The following GALNTL6 variants were observed in gnomAD, a reference collection of about 807,000 sequenced individuals.
GALNTL6 encodes polypeptide N-acetylgalactosaminyltransferase-like 6.
In GALNTL6, 46 loss-of-function variants were observed where a neutral mutation model predicts 73.7. The ratio of observed to expected loss-of-function variants is 0.62; its 90% CI spans 0.49 to 0.80. GALNTL6 has a LOEUF of 0.80. Ranked by LOEUF, GALNTL6 falls within the 30% of genes least tolerant of loss-of-function variation. The pLI is 0.00. For synonymous variants in GALNTL6, 259 were observed against 263.7 expected, an observed-to-expected ratio of 0.98 and a Z score of 0.17; for missense variants, 604 against 755.0, an observed-to-expected ratio of 0.80 and a Z score of 2.34.
chr4:171,970,643 T>C (rs1304164314), intron 2 of GALNTL6, among the ~76,000 whole-genome samples: 1 of 152,180 alleles, frequency 6.6e-6, no homozygotes, highest in African/African-American at 2.4e-5. Context: ...TTGAGTGAGT[T>C]AATCAAGCTT....
chr4:172,958,013 T>C (rs1469506648), intron 10 of GALNTL6, among the ~76,000 whole-genome samples: 1 of 152,080 alleles, frequency 6.6e-6, no homozygotes, highest in Non-Finnish European at 1.5e-5. Flanking sequence ...TCAGGTGTGG[T>C]ATCAGGAATA....
At chr4:172,374,585 A>G (rs1323603655) in intron 5 of GALNTL6, among the ~76,000 whole-genome samples, 1 of 152,082 alleles carries the variant, frequency 6.6e-6, no homozygotes, top group Non-Finnish European at 1.5e-5. Context: ...CTTTTTCCTA[A>G]TTCTCCTTAG....
chr4:172,708,310 A>G (rs1734488865), intron 5 of GALNTL6, among the ~76,000 whole-genome samples: 1 of 152,202 alleles, frequency 6.6e-6, no homozygotes, highest in Non-Finnish European at 1.5e-5. Flanking sequence ...CGCCCAACTT[A>G]GCCTATCGAA....
chr4:172,471,117 C>T (rs1733028251), intron 5 of GALNTL6, among the ~76,000 whole-genome samples: 1 of 152,166 alleles, frequency 6.6e-6, no homozygotes, highest in African/African-American at 2.4e-5. Flanking sequence ...CTGATTCCTA[C>T]CCTGAAACAC....
At chr4:172,953,918 G>T (rs976483627) in intron 10 of GALNTL6, among the ~76,000 whole-genome samples, 1 of 152,210 alleles carries the variant, frequency 6.6e-6, no homozygotes, top group Non-Finnish European at 1.5e-5. Flanking sequence ...AATTTGAAAA[G>T]AATTTTCTTA....
intron 3 of GALNTL6, among the ~76,000 whole-genome samples, chr4:172,239,465 A>G (rs1045784388): frequency 2.0e-5 from 3 of 151,964 alleles, no homozygotes; most frequent in Non-Finnish European, 4.4e-5. Flanking sequence ...CTGAATGTTT[A>G]TTTGGATATT....
At chr4:172,840,990 G>A (rs1560986594) in intron 7 of GALNTL6, among the ~76,000 whole-genome samples, 2 of 152,136 alleles carry the variant, frequency 1.3e-5, no homozygotes, top group Non-Finnish European at 2.9e-5. Flanking sequence ...AGGTGTGCAT[G>A]AATCTCAATT....
At chr4:171,906,700 A>T (rs1003135428) in intron 2 of GALNTL6, among the ~76,000 whole-genome samples, 3 of 152,228 alleles carry the variant, frequency 2.0e-5, no homozygotes, top group African/African-American at 7.2e-5. Flanking sequence ...AAAAAAGAGA[A>T]TTTTAGACCA....
intron 5 of GALNTL6, among the ~76,000 whole-genome samples, chr4:172,575,378 G>A (rs1186837389): frequency 6.6e-6 from 1 of 152,118 alleles, no homozygotes; most frequent in East Asian, 1.9e-4. Context: ...AACATGATAA[G>A]TGCACACATT....
chr4:172,729,065 T>A (rs1403777995), intron 5 of GALNTL6, among the ~76,000 whole-genome samples: 1 of 152,182 alleles, frequency 6.6e-6, no homozygotes, highest in Non-Finnish European at 1.5e-5. Flanking sequence ...TTAATTTGAT[T>A]ATTTGGGTTT....
intron 5 of GALNTL6, among the ~76,000 whole-genome samples, chr4:172,556,738 C>T (rs1736154726): frequency 1.3e-5 from 2 of 149,110 alleles, no homozygotes; most frequent in Admixed American, 1.3e-4. Flanking sequence ...CCTGCTAGAC[C>T]CACACCAAAA....
chr4:172,186,380 G>A (rs1386426330), intron 2 of GALNTL6, among the ~76,000 whole-genome samples: 2 of 152,060 alleles, frequency 1.3e-5, no homozygotes, highest in African/African-American at 4.8e-5. Flanking sequence ...CTCCAAGATG[G>A]TAAACACAGA....
chr4:172,014,006 A>G (rs1006787630), intron 2 of GALNTL6, among the ~76,000 whole-genome samples: 3 of 152,090 alleles, frequency 2.0e-5, no homozygotes, highest in Non-Finnish European at 2.9e-5. Flanking sequence ...TTCACTTAAC[A>G]TAATGATCTC....
At chr4:172,640,409 C>T (rs1739918220) in intron 5 of GALNTL6, among the ~76,000 whole-genome samples, 1 of 152,140 alleles carries the variant, frequency 6.6e-6, no homozygotes, top group East Asian at 1.9e-4. Context: ...AATCTCATGT[C>T]TTTAAATGCC....
chr4:173,032,395 G>A (rs1287128048), intron 12 of GALNTL6, among the ~76,000 whole-genome samples: 1 of 151,442 alleles, frequency 6.6e-6, no homozygotes, highest in Non-Finnish European at 1.5e-5. Flanking sequence ...AGCTTGCAGT[G>A]AGCCGAGATC....
At chr4:172,496,640 G>A (rs1734081825) in intron 5 of GALNTL6, among the ~76,000 whole-genome samples, 1 of 152,080 alleles carries the variant, frequency 6.6e-6, no homozygotes, top group African/African-American at 2.4e-5. Context: ...TTATGATCAG[G>A]CCACTCCACT....
At chr4:172,439,313 T>C (rs999492478) in intron 5 of GALNTL6, among the ~76,000 whole-genome samples, 8 of 151,830 alleles carry the variant, frequency 5.3e-5, no homozygotes, top group Admixed American at 3.3e-4. Flanking sequence ...ACCCCCCACA[T>C]TATTAAACAT....
chr4:172,082,821 G>T (rs1731917939), intron 2 of GALNTL6, among the ~76,000 whole-genome samples: 1 of 152,174 alleles, frequency 6.6e-6, no homozygotes, highest in African/African-American at 2.4e-5. Flanking sequence ...AATGAGAAAG[G>T]AGACATCTAT....
At position 171,880,403 on chromosome 4, in the gene GALNTL6, A is replaced by G. The variant is rs79394295; in HGVS notation, c.138+65685A>G. 2.8e-3 allele frequency among the ~76,000 whole-genome samples: 434 copies of G among 152,330 alleles called. 1 individual carries two copies. Among genetic ancestry groups the G allele is most frequent in the Admixed American group, 5.3e-3 (81 of 15,298 alleles). ...ACAGGGTTATCTTCCCACCATATGA[A>G]TCAGATGTTTGTTATTCCTTATTCT... On this transcript the variant is annotated intron_variant, in intron 2 of 12. Transcript: ENST00000506823.
Sources: gnomAD v4.1 joint callset for allele counts (sites outside exome capture counted in the v4.1 genomes callset) on GRCh38, gnomAD v4.1.1 for gene constraint, MANE v1.5 for transcripts, NCBI Gene and HGNC (gene_info 2026-07-23, HGNC 2026-07-21) for gene names.